ATXN2: variants seen among roughly 807,000 people sequenced by gnomAD.
The protein encoded by ATXN2 is ataxin 2, also known as ataxin-2.
A neutral mutation model predicts 138.6 loss-of-function variants in ATXN2; 37 were observed. The observed-to-expected ratio is 0.27, with a 90% CI of 0.21 to 0.35. ATXN2 has a LOEUF of 0.35. Ranked by LOEUF, ATXN2 falls within the 10% of genes least tolerant of loss-of-function variation. ATXN2 has a pLI of 1.00. For missense variants in ATXN2, 1,216 were observed against 1,480.3 expected (o/e 0.82, Z 2.93); for synonymous variants, 549 against 543.7 (o/e 1.01, Z -0.13).
chr12:111,539,476 G>A lies in ATXN2; in HGVS notation c.571+12804C>T, dbSNP rs565665650. ...GAAAGAAAAAAAGAAGGCCGGGTGC[G>A]ATGGCTCATGCCTGTAATCCCAGCA... On this transcript the variant is annotated intron_variant, in intron 5 of 24. Transcript: ENST00000673436. Among the ~76,000 whole-genome samples, 238 of 150,454 alleles carry A rather than the reference G, an allele frequency of 1.6e-3. 22 individuals are homozygous for A. Among genetic ancestry groups the A allele is most frequent in the Non-Finnish European group, 2.5e-3 (165 of 67,082 alleles).
chr12:111,474,556 G>A (rs112665889), intron 18 of ATXN2, among the ~76,000 whole-genome samples: 3 of 152,272 alleles, frequency 2.0e-5, no homozygotes, highest in African/African-American at 7.2e-5. Context: ...AGTGAGCTAT[G>A]ATTGCACTAC....
In ATXN2 at chr12:111,555,898, T is replaced by G; in HGVS notation, c.273A>C (p.Gly91=). The G allele has an allele frequency of 1.2e-6, 2 of 1,604,236 alleles. No homozygotes were observed. Among genetic ancestry groups the G allele is most frequent in the Non-Finnish European group, 1.7e-6 (2 of 1,176,016 alleles). The change falls in exon 2 of 25, where the codon GGA becomes GGC. Residue 91 remains glycine (G), a synonymous_variant. Transcript: ENST00000673436. The part of the protein sequence containing the change: ...GLGRGRNSNK[G]LPQSTISFDG... ...AGTTACTCACCGTAGACTGAGGCAG[T>G]CCTTTGTTACTGTTTCGACCTCTGA...
chr12:111,455,719 G>A (rs2135646617), intron 23 of ATXN2: 1 of 455,710 alleles, frequency 2.2e-6, no homozygotes, highest in East Asian at 4.5e-5. Flanking sequence ...ATATAGTAGT[G>A]AGGCTATATA....
In ATXN2 at chr12:111,463,105, T is replaced by C. The variant is rs117773495; in HGVS notation, c.2896+1557A>G. 5.4e-3 allele frequency among the ~76,000 whole-genome samples: 826 copies of C among 152,268 alleles called. 4 individuals carry two copies. Among genetic ancestry groups the C allele is most frequent in the Admixed American group, 0.01 (157 of 15,284 alleles). On this transcript the variant is annotated intron_variant, in intron 21 of 24. Coordinates refer to ENST00000673436, the MANE Select transcript of ATXN2 (RefSeq NM_001372574.1). ...GCATTTTAAATGCTAATATGGCATT[T>C]AGTAGAGTCAGACATTGAGTCACCC... is the stretch of plus-strand genomic sequence containing the variant.
chr12:111,476,079 G>A (rs1876796400), intron 18 of ATXN2, among the ~76,000 whole-genome samples: 1 of 152,152 alleles, frequency 6.6e-6, no homozygotes. Flanking sequence ...AGCCTCTCAA[G>A]TAGTTAGGAC....
chr12:111,567,588 C>T (rs1000217801), intron 1 of ATXN2, among the ~76,000 whole-genome samples: 2 of 151,696 alleles, frequency 1.3e-5, no homozygotes, highest in Non-Finnish European at 2.9e-5. Context: ...CCAAGGCGGG[C>T]AGATCACCTG....
chr12:111,485,453 G>C (rs1877571307), intron 17 of ATXN2, 122 bp from the exon 18 acceptor site: 1 of 1,057,652 alleles, frequency 9.5e-7, no homozygotes, highest in Middle Eastern at 2.4e-4. Context: ...TTCTCCATTA[G>C]TCATTAAAAA....
intron 14 of ATXN2, among the ~76,000 whole-genome samples, chr12:111,508,307 AG>A (rs1434684987): frequency 1.3e-5 from 2 of 152,002 alleles, no homozygotes; most frequent in East Asian, 3.9e-4. Flanking sequence ...GCAGCTGAGG[AG>A]GGGCAGATAC....
chr12:111,518,668 C>T (rs949195680), intron 8 of ATXN2, among the ~76,000 whole-genome samples: 2 of 152,202 alleles, frequency 1.3e-5, no homozygotes, highest in African/African-American at 4.8e-5. Context: ...TGCTCATTCT[C>T]ATCCCACTTG....
intron 5 of ATXN2, among the ~76,000 whole-genome samples, chr12:111,531,059 G>C (rs370748150): frequency 6.7e-6 from 1 of 149,876 alleles, no homozygotes; most frequent in Admixed American, 6.6e-5. Flanking sequence ...CAGAGGCTGC[G>C]GTGAGCCGAG....
chr12:111,568,280 A>AC (rs1883128291), intron 1 of ATXN2, among the ~76,000 whole-genome samples: 1 of 150,000 alleles, frequency 6.7e-6, no homozygotes, highest in Non-Finnish European at 1.5e-5. Context: ...AAACAAAACA[A>AC]AAAAAAAAAC....
At chr12:111,538,201 G>A (rs1279838379) in intron 5 of ATXN2, among the ~76,000 whole-genome samples, 1 of 151,804 alleles carries the variant, frequency 6.6e-6, no homozygotes, top group Non-Finnish European at 1.5e-5. Flanking sequence ...AAATCCCTAA[G>A]AGAAAAATAT....
Position 111,509,972 on chromosome 12 carries a change from T to C in ATXN2, c.1783A>G (p.Arg595Gly), listed in dbSNP as rs146191693. The C allele has an allele frequency of 5.6e-6, 9 of 1,611,268 alleles. No individual in the cohort carries two copies. In the African/African-American group the frequency reaches 1.1e-4, roughly 19 times the overall value. ...EAKDSRLQDQ[R>G]QNSPAGNKEN... ...TTATTCCCTGCAGGAGAGTTCTGCC[T>C]CTGATCTTGAAGCCTGGAATCTTTA... Residue 595 changes from arginine to glycine, a missense_variant, in exon 13 of 25, where the codon AGG becomes GGG. Coordinates refer to ENST00000673436, the MANE Select transcript of ATXN2 (RefSeq NM_001372574.1).
At chr12:111,558,340 C>G (rs1007192803) in intron 1 of ATXN2, among the ~76,000 whole-genome samples, 1 of 152,084 alleles carries the variant, frequency 6.6e-6, no homozygotes, top group Non-Finnish European at 1.5e-5. Flanking sequence ...GTAACAAATA[C>G]TGAACCGCAA....
At chr12:111,459,319 C>A (rs1489713990) in intron 21 of ATXN2, among the ~76,000 whole-genome samples, 1 of 152,180 alleles carries the variant, frequency 6.6e-6, no homozygotes, top group Non-Finnish European at 1.5e-5. Flanking sequence ...TCATCATACT[C>A]ATTAAGTTTA....
chr12:111,587,272 A>C (rs1329415881), intron 1 of ATXN2, among the ~76,000 whole-genome samples: 1 of 152,194 alleles, frequency 6.6e-6, no homozygotes, highest in Non-Finnish European at 1.5e-5. Flanking sequence ...TTTATAAAAA[A>C]CTAAAATTAT....
chr12:111,486,436 T>C (rs1369089864), intron 16 of ATXN2, among the ~76,000 whole-genome samples: 2 of 152,220 alleles, frequency 1.3e-5, no homozygotes, highest in African/African-American at 4.8e-5. Context: ...ATGTTTTTGA[T>C]CCATGGTTGG....
intron 2 of ATXN2, among the ~76,000 whole-genome samples, chr12:111,555,113 AT>A (rs1294087664): frequency 6.6e-6 from 1 of 152,202 alleles, no homozygotes; most frequent in Admixed American, 6.5e-5. Flanking sequence ...ACATTCCAAA[AT>A]TTAAGACCAG....
chr12:111,507,106 C>T (rs1426689260), intron 14 of ATXN2, among the ~76,000 whole-genome samples: 2 of 152,074 alleles, frequency 1.3e-5, no homozygotes, highest in Non-Finnish European at 2.9e-5. Context: ...AAGTGAGGAG[C>T]GTCTCTGCCT....
Sources: allele counts gnomAD v4.1 joint callset (sites outside exome capture counted in the v4.1 genomes callset), GRCh38; gene constraint gnomAD v4.1.1; transcripts MANE v1.5; gene names NCBI Gene and HGNC (gene_info 2026-07-23, HGNC 2026-07-21).